PLB1: variants seen among roughly 807,000 people sequenced by gnomAD.
The protein encoded by PLB1 is phospholipase B1, membrane-associated.
Under a neutral mutation model 227.4 loss-of-function variants are expected in PLB1, and 242 were observed. The observed-to-expected ratio is 1.06, with a 90% confidence interval of 0.96 to 1.18. The LOEUF (loss-of-function observed/expected upper bound fraction) is 1.18. Ranked by LOEUF, PLB1 falls within the 50% of genes most tolerant of loss-of-function variation. PLB1 has a pLI of 0.00. For synonymous variants in PLB1, 757 were observed against 682.2 expected, an observed-to-expected ratio of 1.11 and a Z score of -1.71; for missense variants, 1,858 against 1,816.3, an observed-to-expected ratio of 1.02 and a Z score of -0.42.
intron 35 of PLB1, among the ~76,000 whole-genome samples, chr2:28,600,440 T>C (rs1227543593): frequency 1.3e-5 from 2 of 152,170 alleles, no homozygotes; most frequent in African/African-American, 4.8e-5. Flanking sequence ...AGAGGAAGCA[T>C]GCTAGAAGTT....
At chr2:28,514,568 T>A (rs1024939458) in intron 1 of PLB1, among the ~76,000 whole-genome samples, 1 of 152,218 alleles carries the variant, frequency 6.6e-6, no homozygotes, top group Non-Finnish European at 1.5e-5. Context: ...TATAAATAAA[T>A]TTAATTTGTT....
intron 28 of PLB1, 29 bp from the exon 29 acceptor site, chr2:28,589,976 A>G: frequency 6.3e-7 from 1 of 1,598,752 alleles, no homozygotes; most frequent in Non-Finnish European, 8.6e-7. Context: ...CCTCTTCCTC[A>G]CTCCCCATCT....
intron 46 of PLB1, among the ~76,000 whole-genome samples, chr2:28,619,553 T>G (rs899333636): frequency 1.1e-4 from 16 of 150,634 alleles, no homozygotes; most frequent in African/African-American, 3.9e-4. Context: ...AGACAGGGCA[T>G]TTAGAGAAAG....
At chr2:28,550,546 T>C (rs951272355) in intron 16 of PLB1, among the ~76,000 whole-genome samples, 52 of 136,132 alleles carry the variant, frequency 3.8e-4, no homozygotes, top group African/African-American at 1.5e-3. Context: ...TTTTTTTTGG[T>C]GGGAGGAGGG....
chr2:28,525,758 G>A (rs1246920577), intron 5 of PLB1, 147 bp from the exon 6 acceptor site: 3 of 944,296 alleles, frequency 3.2e-6, no homozygotes, highest in Admixed American at 2.7e-5. Context: ...CACTTGAGGT[G>A]TGCCTATAAC....
chr2:28,540,052 C>T (rs1672260440), intron 11 of PLB1, among the ~76,000 whole-genome samples: 1 of 137,282 alleles, frequency 7.3e-6, no homozygotes, highest in Admixed American at 7.2e-5. Context: ...CATCCCATAC[C>T]TACCCCCTAA....
intron 56 of PLB1, 77 bp downstream of exon 56, chr2:28,633,116 A>T: frequency 8.1e-7 from 1 of 1,233,498 alleles, no homozygotes; most frequent in Non-Finnish European, 1.2e-6. Context: ...CAATGGCAAA[A>T]CTACTGGAGA....
intron 20 of PLB1, among the ~76,000 whole-genome samples, chr2:28,568,446 ACT>A (rs755632492): frequency 6.6e-6 from 1 of 152,096 alleles, no homozygotes; most frequent in East Asian, 1.9e-4. Context: ...CGCTATTTAG[ACT>A]CTTCTTGCTA....
intron 49 of PLB1, among the ~76,000 whole-genome samples, chr2:28,623,509 C>T (rs1318665038): frequency 6.6e-6 from 1 of 152,106 alleles, no homozygotes; most frequent in Non-Finnish European, 1.5e-5. Context: ...TTCTTTATAG[C>T]TTTCTGGTAT....
chr2:28,509,446 A>C (rs1667982202), intron 1 of PLB1, among the ~76,000 whole-genome samples: 1 of 152,192 alleles, frequency 6.6e-6, no homozygotes, highest in Non-Finnish European at 1.5e-5. Context: ...GTAGCAGGTG[A>C]TGGGCTGAGA....
chr2:28,626,592 TGCCCCGA>T (rs1687822207), intron 51 of PLB1, 84 bp downstream of exon 51: 5 of 1,207,030 alleles, frequency 4.1e-6, no homozygotes, highest in African/African-American at 1.5e-5. Flanking sequence ...TCCCTGGCCC[TGCCCCGA>T]GCTCCTTGCT....
chr2:28,618,519 T>A, intron 46 of PLB1, 120 bp downstream of exon 46: 1 of 1,024,110 alleles, frequency 9.8e-7, no homozygotes, highest in Non-Finnish European at 1.5e-6. Flanking sequence ...ACTGAGGGCC[T>A]ACCCATGTCA....
At chr2:28,556,814 A>G (rs574652089) in intron 17 of PLB1, among the ~76,000 whole-genome samples, 5 of 152,236 alleles carry the variant, frequency 3.3e-5, no homozygotes, top group Non-Finnish European at 7.3e-5. Flanking sequence ...TGCTGTCACC[A>G]ATAGTATAAA....
chr2:28,496,902 C>T (rs1374796397), intron 1 of PLB1, among the ~76,000 whole-genome samples: 2 of 152,202 alleles, frequency 1.3e-5, no homozygotes, highest in Non-Finnish European at 2.9e-5. Context: ...TGAGAAGGCA[C>T]TTGCCCTTGA....
Position 28,548,894 on chromosome 2 carries a change from G to A in PLB1, c.971G>A (p.Ser324Asn), listed in dbSNP as rs891859343. The change falls in exon 15 of 58, where the codon AGT (serine) becomes AAT (asparagine). Residue 324 changes from serine (S) to asparagine (N), a missense_variant. Transcript: ENST00000327757. The part of the protein sequence containing the change: ...EPAGEKDEPL[S>N]VKHGRPMKCP... ...GCAGGAGAGAAAGATGAGCCATTGA[G>A]TGTAAAACACGGGAGGCCAATGAAG... The A allele has an allele frequency of 1.9e-6, 3 of 1,614,176 alleles. No individual in the cohort carries two copies. The highest frequency in any genetic ancestry group is 2.5e-6 in the Non-Finnish European group (3 of 1,180,008).
intron 19 of PLB1, among the ~76,000 whole-genome samples, chr2:28,565,964 A>T (rs1310769306): frequency 1.3e-5 from 2 of 152,208 alleles, no homozygotes; most frequent in East Asian, 3.8e-4. Flanking sequence ...GCCAGAAGAT[A>T]AAAGATCAGG....
chr2:28,534,820 C>T (rs1671468333), intron 9 of PLB1, among the ~76,000 whole-genome samples: 1 of 151,856 alleles, frequency 6.6e-6, no homozygotes, highest in Non-Finnish European at 1.5e-5. Context: ...CACTACTGCA[C>T]TCCAGCCTGG....
At chr2:28,612,019 G>A (rs1685524114) in intron 43 of PLB1, among the ~76,000 whole-genome samples, 1 of 152,124 alleles carries the variant, frequency 6.6e-6, no homozygotes, top group Non-Finnish European at 1.5e-5. Flanking sequence ...GGTGGCAGGT[G>A]CCTGTAGTCC....
intron 19 of PLB1, 93 bp from the exon 20 acceptor site, chr2:28,566,703 C>T (rs1676971760): frequency 1.4e-6 from 2 of 1,434,576 alleles, no homozygotes; most frequent in East Asian, 2.3e-5. Context: ...CGGGCTGTTT[C>T]TCGGGAGACG....
Sources: allele counts gnomAD v4.1 joint callset (sites outside exome capture counted in the v4.1 genomes callset), GRCh38; gene constraint gnomAD v4.1.1; transcripts MANE v1.5; gene names NCBI Gene and HGNC (gene_info 2026-07-23, HGNC 2026-07-21).